FSTL4: variants seen among roughly 807,000 people sequenced by gnomAD.
The protein encoded by FSTL4 is follistatin-related protein 4.
A neutral mutation model predicts 78.2 loss-of-function variants in FSTL4; 28 were observed. The ratio of observed to expected loss-of-function variants is 0.36; its 90% CI spans 0.27 to 0.49. The LOEUF (loss-of-function observed/expected upper bound fraction) is 0.49, where lower values mean the gene tolerates loss of function less well. FSTL4 is among the 20% of genes least tolerant of loss of function. FSTL4 has a pLI of 0.98. For synonymous variants in FSTL4, 422 were observed against 440.5 expected, an observed-to-expected ratio of 0.96 and a Z score of 0.53; for missense variants, 922 against 1,084.9, an observed-to-expected ratio of 0.85 and a Z score of 2.11.
chr5:133,544,957 A>G (rs1057146919), intron 3 of FSTL4, among the ~76,000 whole-genome samples: 4 of 152,222 alleles, frequency 2.6e-5, no homozygotes, highest in African/African-American at 9.6e-5. Context: ...GTGGAGACCC[A>G]GTGGTATAAT....
chr5:133,699,747 G>A, the FSTL4 span, among the ~76,000 whole-genome samples: 2 of 151,988 alleles, frequency 1.3e-5, no homozygotes, highest in African/African-American at 4.8e-5. Flanking sequence ...CAGGTGCAGT[G>A]GCGGGCACCT....
At chr5:133,466,362 G>A (rs1419604914) in intron 3 of FSTL4, among the ~76,000 whole-genome samples, 1 of 152,088 alleles carries the variant, frequency 6.6e-6, no homozygotes, top group African/African-American at 2.4e-5. Context: ...CTAACACGGT[G>A]AAACCCCGTC....
At chr5:133,567,826 T>C (rs907248408) in intron 2 of FSTL4, among the ~76,000 whole-genome samples, 1 of 152,236 alleles carries the variant, frequency 6.6e-6, no homozygotes, top group Non-Finnish European at 1.5e-5. Flanking sequence ...ATGCTTACTA[T>C]GCGCAGGGCA....
chr5:133,401,010 G>A, intron 3 of FSTL4, 24 bp from the exon 4 acceptor site: 10 of 1,611,870 alleles, frequency 6.2e-6, no homozygotes, highest in Non-Finnish European at 8.5e-6. Flanking sequence ...AAACACAGAG[G>A]GTCAGCTGTA....
At chr5:133,698,779 C>T in the FSTL4 span, among the ~76,000 whole-genome samples, 4 of 152,208 alleles carry the variant, frequency 2.6e-5, no homozygotes, top group Admixed American at 6.5e-5. Flanking sequence ...ACAGCAATGG[C>T]CAAAGTCCCC....
chr5:133,723,913 G>C, the FSTL4 span, among the ~76,000 whole-genome samples: 1 of 152,202 alleles, frequency 6.6e-6, no homozygotes, highest in Non-Finnish European at 1.5e-5. Context: ...TGGTAGCTTG[G>C]CCCTAGGGGT....
chr5:133,697,250 C>A, the FSTL4 span, among the ~76,000 whole-genome samples: 19 of 152,202 alleles, frequency 1.2e-4, no homozygotes, highest in African/African-American at 4.6e-4. Context: ...CCATCTACCA[C>A]CCTGAGGAAG....
chr5:133,692,157 G>C, the FSTL4 span, among the ~76,000 whole-genome samples: 1 of 152,204 alleles, frequency 6.6e-6, no homozygotes, highest in Non-Finnish European at 1.5e-5. Context: ...GTAGGAGTCT[G>C]CCAGATGGAT....
At chr5:133,738,183 G>A in the FSTL4 span, among the ~76,000 whole-genome samples, 5 of 152,040 alleles carry the variant, frequency 3.3e-5, no homozygotes, top group South Asian at 2.1e-4. Flanking sequence ...CACTCTCTCT[G>A]TCCTTCACAA....
intron 6 of FSTL4, among the ~76,000 whole-genome samples, chr5:133,269,146 C>T (rs1331050888): frequency 7.2e-6 from 1 of 138,658 alleles, no homozygotes; most frequent in Non-Finnish European, 1.5e-5. Flanking sequence ...CGTGCCACTG[C>T]ACCACTCCAG....
chr5:133,294,978 C>G (rs956840261), intron 6 of FSTL4, among the ~76,000 whole-genome samples: 4 of 152,182 alleles, frequency 2.6e-5, no homozygotes, highest in Non-Finnish European at 2.9e-5. Context: ...GCTGAACATG[C>G]TGGGGAAACG....
chr5:133,514,757 C>T (rs1259775201), intron 3 of FSTL4, among the ~76,000 whole-genome samples: 1 of 152,122 alleles, frequency 6.6e-6, no homozygotes, highest in Non-Finnish European at 1.5e-5. Context: ...CAGCAAACCA[C>T]AAAACAATTT....
At chr5:133,291,170 G>T (rs780256048) in intron 6 of FSTL4, among the ~76,000 whole-genome samples, 1 of 152,216 alleles carries the variant, frequency 6.6e-6, no homozygotes, top group African/African-American at 2.4e-5. Context: ...GGGGAGGGGA[G>T]TTTGGGGGAA....
chr5:133,409,535 G>A (rs1235631775), intron 3 of FSTL4, among the ~76,000 whole-genome samples: 3 of 152,176 alleles, frequency 2.0e-5, no homozygotes, highest in Non-Finnish European at 2.9e-5. Context: ...CTGGCCTGAG[G>A]ACCCCCGCTC....
chr5:133,428,581 C>T (rs1756875264), intron 3 of FSTL4, among the ~76,000 whole-genome samples: 1 of 152,202 alleles, frequency 6.6e-6, no homozygotes, highest in South Asian at 2.1e-4. Flanking sequence ...GTGCTGTTCT[C>T]AGCATGGCAG....
the FSTL4 span, among the ~76,000 whole-genome samples, chr5:133,656,160 C>T: frequency 6.6e-6 from 1 of 152,002 alleles, no homozygotes; most frequent in Non-Finnish European, 1.5e-5. Flanking sequence ...TCAGGAGGCC[C>T]TGGTAGGGGA....
At chr5:133,625,269 T>G in the FSTL4 span, among the ~76,000 whole-genome samples, 1 of 151,920 alleles carries the variant, frequency 6.6e-6, no homozygotes, top group East Asian at 1.9e-4. Flanking sequence ...TTTTGGGGAA[T>G]TTTTAGTTGT....
At chr5:133,617,015 G>C (rs1463746014), upstream of FSTL4, among the ~76,000 whole-genome samples, 1 of 152,094 alleles carries the variant, frequency 6.6e-6, no homozygotes. Context: ...AAGAAGTCCT[G>C]TCTGGCTGGG....
intron 13 of FSTL4, among the ~76,000 whole-genome samples, chr5:133,216,817 T>C (rs1750922512): frequency 6.6e-6 from 1 of 152,254 alleles, no homozygotes; most frequent in Non-Finnish European, 1.5e-5. Context: ...GGCCCTTGCT[T>C]GGCCTGACTT....
Sources: gnomAD v4.1 joint callset for allele counts (sites outside exome capture counted in the v4.1 genomes callset) on GRCh38, gnomAD v4.1.1 for gene constraint, MANE v1.5 for transcripts, NCBI Gene and HGNC (gene_info 2026-07-23, HGNC 2026-07-21) for gene names.